Variants in ATAD2B observed in about 807,000 individuals in gnomAD.
ATAD2B encodes ATPase family AAA domain containing 2B.
ATAD2B carries 40 observed loss-of-function variants against 167.6 expected under a neutral mutation model. That is an observed-to-expected ratio of 0.24 (90% CI 0.19 to 0.31). The LOEUF (loss-of-function observed/expected upper bound fraction) is 0.31. Among genes scored for constraint, ATAD2B ranks in the 10% least tolerant of loss-of-function variants. ATAD2B has a pLI of 1.00. For synonymous variants in ATAD2B, 579 were observed against 596.5 expected (o/e 0.97, Z 0.43); for missense variants, 1,242 against 1,757.2 (o/e 0.71, Z 5.24).
chr2:23,749,857 C>A lies in ATAD2B; in HGVS notation c.*2189G>T, dbSNP rs566487577. 6.6e-6 allele frequency: 1 copy of A among 151,754 alleles called. No individual in the cohort carries two copies. Among genetic ancestry groups the A allele is most frequent in the Non-Finnish European group, 1.5e-5 (1 of 67,886 alleles). 9.4% of individuals were successfully genotyped at this position (151,754 alleles called of 1,614,324 possible). A position where few individuals can be genotyped will look rare whatever the true frequency, so the allele number is the denominator to read the frequency against. Reference sequence around the variant, plus strand: ...TTAGTAACCTACTAAGAAACATGTGCATTTTTTTTTCCTTTCACAAGTGCT... The same window carrying A: ...TTAGTAACCTACTAAGAAACATGTGAATTTTTTTTTCCTTTCACAAGTGCT... On this transcript the variant is annotated 3_prime_UTR_variant, in exon 28 of 28. Transcript: ENST00000238789.
chr2:23,868,554 C>G (rs761372754), intron 9 of ATAD2B, among the ~76,000 whole-genome samples: 1 of 152,200 alleles, frequency 6.6e-6, no homozygotes, highest in African/African-American at 2.4e-5. Context: ...GGATTACAGG[C>G]GTAAGCCATC....
chr2:23,818,306 G>C (rs974333594), intron 17 of ATAD2B, among the ~76,000 whole-genome samples: 2 of 137,364 alleles, frequency 1.5e-5, no homozygotes, highest in Admixed American at 1.5e-4. Flanking sequence ...GAGAGAGAGA[G>C]AGAGAAAGAG....
the ATAD2B span, among the ~76,000 whole-genome samples, chr2:23,721,760 G>C: frequency 6.6e-6 from 1 of 151,716 alleles, no homozygotes; most frequent in East Asian, 1.9e-4. Context: ...CAACTGAGCA[G>C]TCATGCGGCT....
chr2:23,792,962 CAAAAA>C (rs36015161), intron 19 of ATAD2B, among the ~76,000 whole-genome samples: 6 of 42,544 alleles, frequency 1.4e-4, no homozygotes, highest in South Asian at 2.9e-3. Context: ...GACTCTGTCT[CAAAAA>C]AAAAAAAAAA....
chr2:23,882,652 C>CA (rs1049486305), intron 6 of ATAD2B, among the ~76,000 whole-genome samples: 30 of 148,344 alleles, frequency 2.0e-4, no homozygotes, highest in Middle Eastern at 3.5e-3. Flanking sequence ...ACAAAAAATA[C>CA]AAAAAAAAAT....
chr2:23,771,277 G>T (rs997922424), intron 22 of ATAD2B, among the ~76,000 whole-genome samples: 2 of 152,144 alleles, frequency 1.3e-5, no homozygotes, highest in African/African-American at 4.8e-5. Flanking sequence ...TGGAAGTAGG[G>T]ATGCCTTTAT....
In ATAD2B at chr2:23,757,745, A is replaced by C. The variant is rs1676119169; in HGVS notation, c.3751T>G (p.Leu1251Val). The C allele has an allele frequency of 6.2e-7, 1 of 1,604,224 alleles. No individual in the cohort carries two copies. The highest frequency in any genetic ancestry group is 1.7e-5 in the Admixed American group (1 of 57,512). The part of the protein sequence containing the change: ...ESLLVNSSSS[L>V]NPEQTSRKET... Reference sequence around the variant, plus strand: ...TTCCTGGAGGTCTGCTCCGGGTTTAAGGAACTGCTGCTGTTGACCAGTAGA... The same window carrying C: ...TTCCTGGAGGTCTGCTCCGGGTTTACGGAACTGCTGCTGTTGACCAGTAGA... Residue 1251 changes from leucine (L) to valine (V), a missense_variant, in exon 25 of 28, where the codon TTA (leucine) becomes GTA (valine). Coordinates refer to ENST00000238789, the MANE Select transcript of ATAD2B (RefSeq NM_017552.4).
chr2:23,860,368 T>C (rs1694157282), intron 12 of ATAD2B, among the ~76,000 whole-genome samples: 3 of 152,220 alleles, frequency 2.0e-5, no homozygotes, highest in African/African-American at 7.2e-5. Flanking sequence ...TTTCCTTACA[T>C]AGTTAGACCT....
chr2:23,797,359 A>G (rs1682782757), intron 19 of ATAD2B, among the ~76,000 whole-genome samples: 1 of 152,110 alleles, frequency 6.6e-6, no homozygotes, highest in African/African-American at 2.4e-5. Context: ...TTTCTGAATC[A>G]ACTATGATTT....
At chr2:23,921,980 A>T (rs1304994965) in intron 1 of ATAD2B, among the ~76,000 whole-genome samples, 1 of 152,160 alleles carries the variant, frequency 6.6e-6, no homozygotes, top group East Asian at 1.9e-4. Context: ...CAAACGCATG[A>T]GTGTTAGAAA....
At chr2:23,763,647 T>TGGCATGAACATGGCTCACTGCAGC (rs1343121215) in intron 23 of ATAD2B, among the ~76,000 whole-genome samples, 1 of 152,206 alleles carries the variant, frequency 6.6e-6, no homozygotes, top group Non-Finnish European at 1.5e-5. Context: ...TGGACTGCAG[T>TGGCATGAACATGGCTCACTGCAGC]GGCATGAACA....
chr2:23,833,679 T>G (rs1232538037), intron 14 of ATAD2B, among the ~76,000 whole-genome samples: 1 of 152,210 alleles, frequency 6.6e-6, no homozygotes, highest in Non-Finnish European at 1.5e-5. Context: ...AAAGCACAAG[T>G]AAGCATCTAC....
intron 12 of ATAD2B, 33 bp downstream of exon 12, chr2:23,863,348 G>GAA: frequency 6.5e-7 from 1 of 1,541,678 alleles, no homozygotes; most frequent in Non-Finnish European, 8.7e-7. Flanking sequence ...GAACAGAACA[G>GAA]AAAAGACTCT....
chr2:23,922,562 T>C (rs750864079), intron 1 of ATAD2B, among the ~76,000 whole-genome samples: 6 of 151,844 alleles, frequency 4.0e-5, no homozygotes, highest in Non-Finnish European at 7.4e-5. Flanking sequence ...AAACCATATA[T>C]CTGATAAGCA....
chr2:23,786,288 C>G, intron 20 of ATAD2B, 65 bp from the exon 21 acceptor site: 1 of 1,288,716 alleles, frequency 7.8e-7, no homozygotes, highest in Non-Finnish European at 1.1e-6. Flanking sequence ...TTTTGGCATT[C>G]TCTCAAAATG....
intron 13 of ATAD2B, among the ~76,000 whole-genome samples, chr2:23,853,455 C>T (rs1229590282): frequency 6.6e-6 from 1 of 152,136 alleles, no homozygotes; most frequent in African/African-American, 2.4e-5. Context: ...TCTTTCAAAA[C>T]TCCATTCACA....
chr2:23,831,121 CA>C (rs1688991555), intron 14 of ATAD2B, among the ~76,000 whole-genome samples: 1 of 152,034 alleles, frequency 6.6e-6, no homozygotes. Context: ...CTCTATATGG[CA>C]AACCGAATAG....
intron 19 of ATAD2B, among the ~76,000 whole-genome samples, chr2:23,791,793 G>A (rs990993498): frequency 6.6e-6 from 1 of 152,160 alleles, no homozygotes; most frequent in Non-Finnish European, 1.5e-5. Context: ...AATGGACACT[G>A]AGGATGTTTC....
At chr2:23,891,272 G>A (rs368256754) in intron 2 of ATAD2B, among the ~76,000 whole-genome samples, 4 of 152,036 alleles carry the variant, frequency 2.6e-5, no homozygotes, top group South Asian at 4.1e-4. Flanking sequence ...CACCCGCCTT[G>A]GCCTCCCAAA....
Sources: gnomAD v4.1 joint callset for allele counts (sites outside exome capture counted in the v4.1 genomes callset) on GRCh38, gnomAD v4.1.1 for gene constraint, MANE v1.5 for transcripts, NCBI Gene and HGNC (gene_info 2026-07-23, HGNC 2026-07-21) for gene names.